FOXN3: variants seen among roughly 807,000 people sequenced by gnomAD.
FOXN3 encodes forkhead box N3.
In FOXN3, 7 loss-of-function variants were observed where a neutral mutation model predicts 38.4. The observed-to-expected ratio is 0.18, with a 90% confidence interval of 0.10 to 0.34. The LOEUF (loss-of-function observed/expected upper bound fraction) is 0.34, where lower values mean the gene tolerates loss of function less well. FOXN3 is among the 10% of genes least tolerant of loss of function. The pLI, the probability that FOXN3 is intolerant of heterozygous loss-of-function variation, is 1.00. For missense variants in FOXN3, 456 were observed against 613.4 expected, an observed-to-expected ratio of 0.74 and a Z score of 2.71; for synonymous variants, 230 against 242.2, an observed-to-expected ratio of 0.95 and a Z score of 0.47.
chr14:89,193,246 A>G (rs1408815132), intron 4 of FOXN3, among the ~76,000 whole-genome samples: 2 of 148,886 alleles, frequency 1.3e-5, no homozygotes, highest in East Asian at 3.9e-4. Flanking sequence ...GGCCCAGAAC[A>G]AGAAGAAACA....
At chr14:89,268,537 G>T (rs1420782233) in intron 4 of FOXN3, among the ~76,000 whole-genome samples, 2 of 152,220 alleles carry the variant, frequency 1.3e-5, no homozygotes, top group African/African-American at 4.8e-5. Flanking sequence ...AAGGAGAATT[G>T]ATGAGCCCAT....
chr14:89,579,079 G>A (rs1213510883), intron 1 of FOXN3, among the ~76,000 whole-genome samples: 1 of 151,720 alleles, frequency 6.6e-6, no homozygotes, highest in Non-Finnish European at 1.5e-5. Context: ...CAAACTCTTG[G>A]CCTCAAGTGA....
intron 1 of FOXN3, among the ~76,000 whole-genome samples, chr14:89,580,022 G>C (rs1376458036): frequency 1.3e-5 from 2 of 152,092 alleles, no homozygotes; most frequent in African/African-American, 2.4e-5. Flanking sequence ...AGGTTCCCAG[G>C]GTTCAGTGCA....
chr14:89,551,560 G>C (rs759700814), intron 1 of FOXN3, among the ~76,000 whole-genome samples: 1 of 152,106 alleles, frequency 6.6e-6, no homozygotes, highest in Non-Finnish European at 1.5e-5. Context: ...CTTTTCCCAT[G>C]AGAAGCCAGG....
chr14:89,210,062 C>T (rs1037929024), intron 4 of FOXN3, among the ~76,000 whole-genome samples: 1 of 152,142 alleles, frequency 6.6e-6, no homozygotes, highest in Admixed American at 6.5e-5. Context: ...TTTCACAGTC[C>T]CAGAACTGTG....
At chr14:89,399,824 A>G (rs1891199431) in intron 2 of FOXN3, among the ~76,000 whole-genome samples, 1 of 152,200 alleles carries the variant, frequency 6.6e-6, no homozygotes, top group African/African-American at 2.4e-5. Context: ...CAGCTTATCC[A>G]TTCCCTGAAA....
chr14:89,362,806 T>C (rs867797201), intron 2 of FOXN3, among the ~76,000 whole-genome samples: 3 of 59,328 alleles, frequency 5.1e-5, no homozygotes, highest in Non-Finnish European at 6.8e-5. Flanking sequence ...CACCACCACC[T>C]CCACCACCAC....
intron 4 of FOXN3, among the ~76,000 whole-genome samples, chr14:89,208,824 G>A (rs1888450957): frequency 1.3e-5 from 2 of 152,238 alleles, no homozygotes; most frequent in Admixed American, 6.5e-5. Flanking sequence ...GATGGAGGCT[G>A]AGACAGGAGC....
chr14:89,458,030 C>CAAAAA (rs11445763), intron 1 of FOXN3, among the ~76,000 whole-genome samples: 6 of 53,492 alleles, frequency 1.1e-4, no homozygotes, highest in Non-Finnish European at 1.4e-4. Context: ...AACTCCATCT[C>CAAAAA]AAAAAAAAAA....
chr14:89,388,318 C>A lies in FOXN3; in HGVS notation c.543+23616G>T, dbSNP rs139447712. On this transcript the variant is annotated intron_variant, in intron 2 of 5. Transcript: ENST00000557258. ...AGCAAAGGATACAGTAATGACAGTG[C>A]CCAGGCTACCAGGACAGAGCCTGGA... Among the ~76,000 whole-genome samples the A allele has an allele frequency of 3.7e-4, 56 of 152,208 alleles. No homozygotes were observed. The East Asian group carries it at 5.0e-3, about 14-fold the overall frequency.
Position 89,411,914 on chromosome 14 carries a change from T to G in FOXN3, c.543+20A>C. 1 of 1,343,258 alleles carries G rather than the reference T, an allele frequency of 7.4e-7. No individual in the cohort carries two copies. Among genetic ancestry groups the G allele is most frequent in the Non-Finnish European group, 9.7e-7 (1 of 1,031,882 alleles). The allele number at this position is 1,343,258 out of a possible 1,614,324, so 83.2% of individuals were successfully genotyped here. On this transcript the variant is annotated intron_variant, in intron 2 of 5. Coordinates refer to ENST00000557258, the MANE Select transcript of FOXN3 (RefSeq NM_005197.4). ...AAAAAAAAAAAAAGAAAACCTTGGG[T>G]TCCAGACACAGAGGCTTACCTGACT...
At chr14:89,383,236 C>T (rs531672181) in intron 2 of FOXN3, among the ~76,000 whole-genome samples, 3 of 152,000 alleles carry the variant, frequency 2.0e-5, no homozygotes, top group East Asian at 3.9e-4. Flanking sequence ...TAAATGTTCA[C>T]GAACAGGCAG....
chr14:89,342,021 CAG>C (rs1323309547), intron 3 of FOXN3, among the ~76,000 whole-genome samples: 6 of 152,168 alleles, frequency 3.9e-5, no homozygotes, highest in African/African-American at 1.2e-4. Context: ...ATTGGAAACA[CAG>C]AGTTTCTTTG....
chr14:89,417,490 C>T (rs1891782001), upstream of FOXN3: 1 of 151,266 alleles, frequency 6.6e-6, no homozygotes, highest in African/African-American at 2.4e-5. Context: ...GCGCGGGTCC[C>T]GCGACCCAGG....
chr14:89,359,817 T>C (rs1159343794), intron 2 of FOXN3, among the ~76,000 whole-genome samples: 1 of 152,106 alleles, frequency 6.6e-6, no homozygotes, highest in African/African-American at 2.4e-5. Flanking sequence ...ACTTAGAGAA[T>C]AAAGCTGGAG....
intron 1 of FOXN3, among the ~76,000 whole-genome samples, chr14:89,586,209 G>A (rs1171189870): frequency 6.6e-6 from 1 of 152,088 alleles, no homozygotes; most frequent in Non-Finnish European, 1.5e-5. Flanking sequence ...TAGAATAAAT[G>A]AATGCATGGA....
intron 2 of FOXN3, among the ~76,000 whole-genome samples, chr14:89,403,545 T>C (rs1030897648): frequency 3.9e-5 from 6 of 152,250 alleles, no homozygotes; most frequent in Admixed American, 1.3e-4. Flanking sequence ...CAACTTCCTA[T>C]GTTATTTACT....
At chr14:89,464,628 C>T (rs542622151) in intron 1 of FOXN3, among the ~76,000 whole-genome samples, 16 of 152,188 alleles carry the variant, frequency 1.1e-4, no homozygotes, top group South Asian at 2.1e-4. Context: ...CCATGTGTCA[C>T]GGGAGGGACC....
chr14:89,428,161 ACT>A (rs534791036), intron 1 of FOXN3, among the ~76,000 whole-genome samples: 2 of 152,198 alleles, frequency 1.3e-5, no homozygotes, highest in East Asian at 3.8e-4. Context: ...AATTTGATGA[ACT>A]CTCTGAGAAA....
Sources: allele counts gnomAD v4.1 joint callset (sites outside exome capture counted in the v4.1 genomes callset), GRCh38; gene constraint gnomAD v4.1.1; transcripts MANE v1.5; gene names NCBI Gene and HGNC (gene_info 2026-07-23, HGNC 2026-07-21).